BLVRA: variants seen among roughly 807,000 people sequenced by gnomAD.
BLVRA encodes the protein BVR A.
In BLVRA, 22 loss-of-function variants were observed where a neutral mutation model predicts 32.8. The ratio of observed to expected loss-of-function variants is 0.67; its 90% confidence interval spans 0.48 to 0.96. The LOEUF (loss-of-function observed/expected upper bound fraction) is 0.96, where lower values mean the gene tolerates loss of function less well. BLVRA is among the 40% of genes least tolerant of loss of function. The pLI, the probability that BLVRA is intolerant of heterozygous loss-of-function variation, is 0.00. For synonymous variants in BLVRA, 119 were observed against 141.3 expected, an observed-to-expected ratio of 0.84 and a Z score of 1.12; for missense variants, 323 against 358.1, an observed-to-expected ratio of 0.90 and a Z score of 0.79.
chr7:43,805,688 G>C (rs1367825822), intron 7 of BLVRA, among the ~76,000 whole-genome samples: 1 of 152,050 alleles, frequency 6.6e-6, no homozygotes, highest in Admixed American at 6.6e-5. Flanking sequence ...AGTACTTTCC[G>C]TGTCCCAAAT....
intron 7 of BLVRA, among the ~76,000 whole-genome samples, chr7:43,805,562 C>T (rs1427217709): frequency 6.6e-6 from 1 of 152,080 alleles, no homozygotes; most frequent in Non-Finnish European, 1.5e-5. Flanking sequence ...AGATTACACG[C>T]ATGAGCCACT....
intron 2 of BLVRA, among the ~76,000 whole-genome samples, chr7:43,772,523 A>G (rs1000358710): frequency 6.6e-6 from 1 of 152,166 alleles, no homozygotes; most frequent in Non-Finnish European, 1.5e-5. Context: ...AGAAAGGGGG[A>G]TGTATCCCTG....
chr7:43,803,611 CCT>C lies in BLVRA; in HGVS notation c.461-64_461-63del, dbSNP rs1193644330. On this transcript the variant is annotated intron_variant, in intron 6 of 7. Transcript: ENST00000265523. ...TTCACACCCCCGCCACCCCCACCCC[CCT>C]GTCCTGCTTTCCACTTGGCATTCCT... 19 of 1,481,182 alleles carry C rather than the reference CCT, an allele frequency of 1.3e-5. No individual in the cohort carries two copies. The African/African-American group carries it at 2.6e-4, about 21-fold the overall frequency. 91.8% of individuals were successfully genotyped at this position (1,481,182 alleles called of 1,614,324 possible). A position where few individuals can be genotyped will look rare whatever the true frequency, so the allele number is the denominator to read the frequency against.
At chr7:43,772,141 G>C (rs898972494) in intron 2 of BLVRA, among the ~76,000 whole-genome samples, 2 of 152,196 alleles carry the variant, frequency 1.3e-5, no homozygotes, top group African/African-American at 4.8e-5. Context: ...CAGGCTTCAG[G>C]GCTGGTCGAT....
intron 5 of BLVRA, among the ~76,000 whole-genome samples, chr7:43,795,568 G>C (rs967574833): frequency 6.6e-6 from 1 of 152,132 alleles, no homozygotes; most frequent in African/African-American, 2.4e-5. Flanking sequence ...AGTACTAAGA[G>C]AGAAGTGGAT....
intron 7 of BLVRA, among the ~76,000 whole-genome samples, chr7:43,806,579 TA>T (rs2095804238): frequency 6.6e-6 from 1 of 151,622 alleles, no homozygotes; most frequent in African/African-American, 2.4e-5. Context: ...CCATTTCTAC[TA>T]AAAATATTTT....
chr7:43,792,915 C>T (rs920307107), intron 5 of BLVRA, 103 bp downstream of exon 5: 36 of 1,135,334 alleles, frequency 3.2e-5, no homozygotes, highest in Non-Finnish European at 4.2e-5. Flanking sequence ...CTCCTGGCTA[C>T]ACTGGCACTG....
chr7:43,782,765 C>T (rs555090027), intron 2 of BLVRA, among the ~76,000 whole-genome samples: 2 of 152,218 alleles, frequency 1.3e-5, no homozygotes, highest in East Asian at 1.9e-4. Flanking sequence ...ACCTCGGTAG[C>T]ATGAGGTAAG....
chr7:43,767,002 G>A (rs2095748953), intron 1 of BLVRA, among the ~76,000 whole-genome samples: 1 of 152,036 alleles, frequency 6.6e-6, no homozygotes, highest in Admixed American at 6.5e-5. Flanking sequence ...CCCTGACCCT[G>A]AAAAATAAAC....
intron 4 of BLVRA, among the ~76,000 whole-genome samples, chr7:43,792,321 T>C (rs1174385977): frequency 1.3e-5 from 2 of 152,232 alleles, no homozygotes; most frequent in African/African-American, 4.8e-5. Context: ...CATAGGTCCT[T>C]AGTGAAATCT....
chr7:43,789,475 A>G (rs569369249), intron 3 of BLVRA, among the ~76,000 whole-genome samples: 1 of 152,244 alleles, frequency 6.6e-6, no homozygotes, highest in African/African-American at 2.4e-5. Flanking sequence ...GCTGCACACA[A>G]ATGGGAGAGC....
intron 1 of BLVRA, among the ~76,000 whole-genome samples, chr7:43,761,242 C>T (rs1291780351): frequency 6.6e-6 from 1 of 151,968 alleles, no homozygotes; most frequent in East Asian, 1.9e-4. Context: ...TCATTTGCAA[C>T]AAAATCACAG....
At chr7:43,796,256 T>A (rs191468344) in intron 5 of BLVRA, among the ~76,000 whole-genome samples, 1 of 152,240 alleles carries the variant, frequency 6.6e-6, no homozygotes. Context: ...CAATGAACAC[T>A]TATACAATTG....
chr7:43,794,875 T>C (rs1016312433), intron 5 of BLVRA, among the ~76,000 whole-genome samples: 2 of 152,052 alleles, frequency 1.3e-5, no homozygotes, highest in Admixed American at 6.6e-5. Flanking sequence ...TATAAAGGAG[T>C]AGAATTTTGT....
intron 1 of BLVRA, among the ~76,000 whole-genome samples, chr7:43,758,952 C>G (rs1173183864): frequency 6.6e-6 from 1 of 152,162 alleles, no homozygotes; most frequent in Non-Finnish European, 1.5e-5. Context: ...GCGCGGGTCC[C>G]GGCAAGGGGC....
intron 1 of BLVRA, chr7:43,767,668 T>C (rs2132547479): frequency 1.6e-6 from 1 of 631,722 alleles, no homozygotes; most frequent in Non-Finnish European, 2.8e-6. Flanking sequence ...GGGGGACATC[T>C]GATTTGAATA....
intron 1 of BLVRA, among the ~76,000 whole-genome samples, chr7:43,760,770 CTTT>C (rs34256119): frequency 3.0e-5 from 4 of 133,146 alleles, no homozygotes; most frequent in Non-Finnish European, 1.6e-5. Flanking sequence ...CCTCTTGAGT[CTTT>C]TTTTTTTTTT....
chr7:43,782,902 A>T (rs2095771763), intron 2 of BLVRA, among the ~76,000 whole-genome samples: 1 of 152,016 alleles, frequency 6.6e-6, no homozygotes, highest in Non-Finnish European at 1.5e-5. Context: ...CCCACGGTGA[A>T]GCAGGGAGGT....
chr7:43,775,294 A>C lies in BLVRA; in HGVS notation c.12+4124A>C, dbSNP rs1426126656. On this transcript the variant is annotated intron_variant, in intron 2 of 7. Transcript: ENST00000265523. Reference sequence around the variant, plus strand: ...TGTGGGTTTGTCATAGATAGCTCTTATTATTTTGAGATATGTCCCATCAAT... The same window carrying C: ...TGTGGGTTTGTCATAGATAGCTCTTCTTATTTTGAGATATGTCCCATCAAT... Among the ~76,000 whole-genome samples the C allele has an allele frequency of 4.6e-5, 7 of 152,252 alleles. 1 individual carries two copies. In the East Asian group the frequency reaches 1.3e-3, roughly 29 times the overall value.
Sources: gnomAD v4.1 joint callset for allele counts (sites outside exome capture counted in the v4.1 genomes callset) on GRCh38, gnomAD v4.1.1 for gene constraint, MANE v1.5 for transcripts, NCBI Gene and HGNC (gene_info 2026-07-23, HGNC 2026-07-21) for gene names.